USP42: variants seen among roughly 807,000 people sequenced by gnomAD.
The protein encoded by USP42 is ubiquitin specific peptidase 42, also known as ubiquitin carboxyl-terminal hydrolase 42.
In USP42, 23 loss-of-function variants were observed where a neutral mutation model predicts 113.0. The ratio of observed to expected loss-of-function variants is 0.20; its 90% CI spans 0.15 to 0.29. USP42 has a LOEUF of 0.29. Ranked by LOEUF, USP42 falls within the 10% of genes least tolerant of loss-of-function variation. The pLI, the probability that USP42 is intolerant of heterozygous loss-of-function variation, is 1.00. For synonymous variants in USP42, 933 were observed against 699.0 expected (o/e 1.33, Z -5.28); for missense variants, 2,174 against 1,779.8 (o/e 1.22, Z -3.99).
chr7:6,139,688 C>G lies in USP42; in HGVS notation c.657-440C>G, dbSNP rs969158265. 10 of 235,360 alleles carry G rather than the reference C, an allele frequency of 4.2e-5. No homozygotes were observed. Among genetic ancestry groups the G allele is most frequent in the Non-Finnish European group, 8.4e-5 (10 of 119,070 alleles). 14.6% of individuals were successfully genotyped at this position (235,360 alleles called of 1,614,324 possible). On this transcript the variant is annotated intron_variant, in intron 5 of 17. Coordinates refer to ENST00000306177, the MANE Select transcript of USP42 (RefSeq NM_032172.3). The surrounding 1 kb of genome is among the most constrained non-coding windows in gnomAD (Gnocchi z 4.5). ...AGCCGCTTGGTGCTGTCTGAGACAC[C>G]TGGTAGATCTCCCTCTGCATTCTCC...
At chr7:6,146,100 A>G (rs1011786710) in intron 10 of USP42, 48 bp from the exon 11 acceptor site, 2 of 1,295,918 alleles carry the variant, frequency 1.5e-6, no homozygotes, top group African/African-American at 3.0e-5. Context: ...ACTATGTTCC[A>G]TGTTTAATTA....
At position 6,147,723 on chromosome 7, in the gene USP42, C is replaced by G. The variant is rs770268812; in HGVS notation, c.1233-16C>G. On this transcript the variant is annotated splice_polypyrimidine_tract_variant and intron_variant, in intron 11 of 17. Transcript: ENST00000306177. ...GTGTCCTGTGTCACCCTAAGTATCG[C>G]TCTCCTTGTTTCCAGGTCCCATGAT... is the stretch of plus-strand genomic sequence containing the variant. 4 of 1,565,540 alleles carry G rather than the reference C, an allele frequency of 2.6e-6. No individual in the cohort carries two copies. The South Asian group carries it at 4.7e-5, about 18-fold the overall frequency.
chr7:6,151,272 G>C (rs1014997883), intron 14 of USP42, among the ~76,000 whole-genome samples: 2 of 152,200 alleles, frequency 1.3e-5, no homozygotes, highest in Non-Finnish European at 2.9e-5. Flanking sequence ...GCACACTTCA[G>C]CCGCACTCAA....
intron 7 of USP42, 52 bp downstream of exon 7, chr7:6,141,036 T>C (rs1456363470): frequency 3.2e-6 from 3 of 936,910 alleles, no homozygotes; most frequent in South Asian, 1.6e-5. Flanking sequence ...AGTCATTTTA[T>C]GTAACTGTAG....
chr7:6,086,245 G>A, the USP42 span, among the ~76,000 whole-genome samples: 14 of 130,172 alleles, frequency 1.1e-4, no homozygotes, highest in Admixed American at 2.6e-4. Flanking sequence ...TCGCTCTGTC[G>A]CCCAGGCTGG....
At chr7:6,095,816 GC>G in the USP42 span, among the ~76,000 whole-genome samples, 2 of 150,990 alleles carry the variant, frequency 1.3e-5, no homozygotes, top group Non-Finnish European at 2.9e-5. Flanking sequence ...TACCCGGGCT[GC>G]AGTGGTGTGG....
the USP42 span, among the ~76,000 whole-genome samples, chr7:6,091,367 C>T: frequency 6.6e-6 from 1 of 150,480 alleles, no homozygotes; most frequent in Non-Finnish European, 1.5e-5. Flanking sequence ...GCTGAGACTG[C>T]AGGCATGCAT....
chr7:6,114,840 G>C (rs1445814979), intron 2 of USP42, among the ~76,000 whole-genome samples: 2 of 150,714 alleles, frequency 1.3e-5, no homozygotes, highest in Non-Finnish European at 3.0e-5. Flanking sequence ...ACAGGTGCCC[G>C]TCACCGCGCC....
intron 3 of USP42, among the ~76,000 whole-genome samples, chr7:6,123,688 A>G (rs1315297583): frequency 6.6e-6 from 1 of 151,838 alleles, no homozygotes; most frequent in Admixed American, 6.6e-5. Flanking sequence ...TAAAAATAAA[A>G]TATTAAAAAA....
intron 1 of USP42, among the ~76,000 whole-genome samples, chr7:6,109,035 G>T (rs1306054431): frequency 2.6e-5 from 4 of 152,230 alleles, no homozygotes; most frequent in Non-Finnish European, 5.9e-5. Context: ...TGCCAGCACA[G>T]TACCGTAGAA....
chr7:6,159,598 G>A lies in USP42; in HGVS notation c.*36+105G>A. 8.2e-7 allele frequency: 1 copy of A among 1,217,086 alleles called. No homozygotes were observed. The highest frequency in any genetic ancestry group is 1.2e-6 in the Non-Finnish European group (1 of 855,786). 75.4% of individuals were successfully genotyped at this position (1,217,086 alleles called of 1,614,324 possible). On this transcript the variant is annotated intron_variant, in intron 17 of 17. Coordinates refer to ENST00000306177, the MANE Select transcript of USP42 (RefSeq NM_032172.3). The surrounding 1 kb of genome is among the most constrained non-coding windows in gnomAD (Gnocchi z 4.1). ...GCTCTGCCTGGGGGCTGGGCTCATA[G>A]GAGTTGGCAGAGCCATGGAGAGGCC... is the stretch of plus-strand genomic sequence containing the variant.
intron 3 of USP42, among the ~76,000 whole-genome samples, chr7:6,123,402 G>A (rs984157707): frequency 2.6e-5 from 4 of 152,036 alleles, no homozygotes; most frequent in African/African-American, 9.7e-5. Flanking sequence ...GGTGGCTCAC[G>A]CCTGTAATCC....
At chr7:6,126,288 CTT>C (rs56398714) in intron 3 of USP42, among the ~76,000 whole-genome samples, 20 of 142,712 alleles carry the variant, frequency 1.4e-4, no homozygotes, top group Admixed American at 2.1e-4. Flanking sequence ...GCCACAGTTT[CTT>C]TTTTTTTTTT....
rs779637362 is a variant in USP42 at position 6,154,420 on chromosome 7, C to T, written c.2866C>T (p.Arg956Trp). Residue 956 changes from arginine to tryptophan, a missense_variant, in exon 15 of 18, where the codon CGG (arginine) becomes TGG (tryptophan). Arg to Trp is a moderately radical substitution (Grantham distance 101). Coordinates refer to ENST00000306177, the MANE Select transcript of USP42 (RefSeq NM_032172.3). The stretch of plus-strand genomic sequence containing the variant: ...GGTGGACCGAGGCCACTACCGCAGC[C>T]GGAGAGAGCGCTCGTCCAGCGGGGA... ...RKVDRGHYRS[R>W]RERSSSGEPA... 22 of 1,575,278 alleles carry T rather than the reference C, an allele frequency of 1.4e-5. No individual in the cohort carries two copies. Among genetic ancestry groups the T allele is most frequent in the East Asian group, 2.4e-5 (1 of 42,400 alleles).
At chr7:6,124,212 T>C (rs543202595) in intron 3 of USP42, among the ~76,000 whole-genome samples, 5 of 151,966 alleles carry the variant, frequency 3.3e-5, no homozygotes, top group African/African-American at 9.7e-5. Context: ...TAGCATGATA[T>C]ATTTTTTCCA....
upstream of USP42, among the ~76,000 whole-genome samples, chr7:6,104,581 G>GGCGAAAGCCCAAAGTCCTAC (rs1172389410): frequency 6.6e-6 from 1 of 152,210 alleles, no homozygotes; most frequent in Non-Finnish European, 1.5e-5. Flanking sequence ...CGCAGGACGA[G>GGCGAAAGCCCAAAGTCCTAC]GCGAAAGCCC....
the USP42 span, among the ~76,000 whole-genome samples, chr7:6,092,020 CTTCTTCT>C: frequency 2.8e-5 from 3 of 106,924 alleles, no homozygotes; most frequent in African/African-American, 1.1e-4. Context: ...TCTTCTTCTT[CTTCTTCT>C]TCTTCTTCTT....
At chr7:6,092,054 T>TTCTTCTTCTTCC in the USP42 span, among the ~76,000 whole-genome samples, 1 of 37,908 alleles carries the variant, frequency 2.6e-5, no homozygotes, top group African/African-American at 7.4e-5. Context: ...CTTCTTCTTC[T>TTCTTCTTCTTCC]TTCTTCTTCT....
chr7:6,145,682 C>T, intron 10 of USP42, 26 bp downstream of exon 10: 1 of 1,605,272 alleles, frequency 6.2e-7, no homozygotes, highest in South Asian at 1.1e-5. Context: ...TTGCTATTAA[C>T]TATTGTTACA....
Sources: gnomAD v4.1 joint callset for allele counts (sites outside exome capture counted in the v4.1 genomes callset) on GRCh38, gnomAD v4.1.1 for gene constraint, Gnocchi (gnomAD v3.1) non-coding constraint, MANE v1.5 for transcripts, NCBI Gene and HGNC (gene_info 2026-07-23, HGNC 2026-07-21) for gene names.